ENKUR: variants seen among roughly 807,000 people sequenced by gnomAD.
The protein encoded by ENKUR is enkurin, TRPC channel interacting protein.
Under a neutral mutation model 27.6 loss-of-function variants are expected in ENKUR, and 19 were observed. The ratio of observed to expected loss-of-function variants is 0.69; its 90% CI spans 0.48 to 1.01. The LOEUF (loss-of-function observed/expected upper bound fraction) is 1.01, where lower values mean the gene tolerates loss of function less well. Among genes scored for constraint, ENKUR ranks in the 50% least tolerant of loss-of-function variants. The pLI is 0.00. For synonymous variants in ENKUR, 117 were observed against 96.9 expected, an observed-to-expected ratio of 1.21 and a Z score of -1.22; for missense variants, 312 against 310.5, an observed-to-expected ratio of 1.00 and a Z score of -0.04.
chr10:24,999,689 G>T, intron 1 of ENKUR, 143 bp from the exon 2 acceptor site: 1 of 779,450 alleles, frequency 1.3e-6, no homozygotes, highest in Non-Finnish European at 2.0e-6. Flanking sequence ...ATACTTACCT[G>T]AGCCCTGTCC....
intron 2 of ENKUR, among the ~76,000 whole-genome samples, chr10:25,045,829 C>A (rs1157215169): frequency 1.3e-5 from 2 of 152,110 alleles, no homozygotes; most frequent in Admixed American, 6.6e-5. Context: ...CACTTAAGGG[C>A]AGAACCAGTT....
intron 2 of ENKUR, among the ~76,000 whole-genome samples, chr10:25,032,344 A>G (rs1200950109): frequency 6.6e-6 from 1 of 151,848 alleles, no homozygotes; most frequent in Non-Finnish European, 1.5e-5. Context: ...TTACCATTCA[A>G]CATGTAGATT....
intron 2 of ENKUR, chr10:25,023,927 G>A: frequency 1.2e-6 from 2 of 1,614,130 alleles, no homozygotes; most frequent in Non-Finnish European, 1.7e-6. Flanking sequence ...ATTTCAACAA[G>A]ACACGTTTGG....
chr10:24,998,858 A>C (rs1850123326), intron 2 of ENKUR, among the ~76,000 whole-genome samples: 1 of 152,196 alleles, frequency 6.6e-6, no homozygotes, highest in Non-Finnish European at 1.5e-5. Context: ...TAAAATAAGC[A>C]TGGGGCCCTA....
intron 4 of ENKUR, 59 bp downstream of exon 4, chr10:24,990,404 C>G: frequency 6.4e-7 from 1 of 1,551,660 alleles, no homozygotes; most frequent in Non-Finnish European, 8.7e-7. Context: ...TGATGGTACA[C>G]CTTTCTTTCA....
chr10:24,993,934 AG>A (rs1468473935), intron 3 of ENKUR, among the ~76,000 whole-genome samples: 1 of 152,214 alleles, frequency 6.6e-6, no homozygotes, highest in Non-Finnish European at 1.5e-5. Flanking sequence ...AGTGGCTTTA[AG>A]AGCCATGAGA....
intron 4 of ENKUR, among the ~76,000 whole-genome samples, chr10:24,985,455 A>G (rs1289458470): frequency 6.6e-6 from 1 of 152,204 alleles, no homozygotes; most frequent in Non-Finnish European, 1.5e-5. Flanking sequence ...CTTTCAATAT[A>G]TTAGAAAGAA....
chr10:25,033,676 C>T (rs2130459055), intron 2 of ENKUR, among the ~76,000 whole-genome samples: 1 of 152,166 alleles, frequency 6.6e-6, no homozygotes, highest in African/African-American at 2.4e-5. Flanking sequence ...TAAAATAGTG[C>T]TTCTAAACCA....
chr10:25,011,365 G>A (rs564559696), intron 1 of ENKUR, among the ~76,000 whole-genome samples: 101 of 152,054 alleles, frequency 6.6e-4, no homozygotes, highest in Non-Finnish European at 1.3e-3. Context: ...AGATGAGTAG[G>A]TTGCAAAAAT....
chr10:25,034,122 G>A (rs1444613058), intron 2 of ENKUR, among the ~76,000 whole-genome samples: 3 of 151,932 alleles, frequency 2.0e-5, no homozygotes, highest in Non-Finnish European at 2.9e-5. Context: ...AAAGCATTCT[G>A]TGAAATCAAA....
intron 1 of ENKUR, among the ~76,000 whole-genome samples, chr10:25,000,636 T>C (rs1850168618): frequency 6.6e-6 from 1 of 152,092 alleles, no homozygotes; most frequent in Non-Finnish European, 1.5e-5. Flanking sequence ...TAATCAAGCA[T>C]CCCTTTGATT....
intron 2 of ENKUR, among the ~76,000 whole-genome samples, chr10:25,055,489 AT>A (rs1394807677): frequency 2.0e-5 from 3 of 149,734 alleles, no homozygotes; most frequent in Non-Finnish European, 4.4e-5. Context: ...CTGTAGTATA[AT>A]CTCTCTCCAC....
At position 24,995,791 on chromosome 10, in the gene ENKUR, C is replaced by T. The variant is rs1269834270; in HGVS notation, c.302G>A (p.Ser101Asn). 4 of 1,613,920 alleles carry T rather than the reference C, an allele frequency of 2.5e-6. No homozygotes were observed. Among genetic ancestry groups the T allele is most frequent in the Non-Finnish European group, 3.4e-6 (4 of 1,180,006 alleles). The stretch of plus-strand genomic sequence containing the variant: ...ATTTGTATTTATAAAATTTTTTCCA[C>T]TCTGTATTCCCATGACAGGATGATC... ...KTDHPVMGIQ[S>N]GKNFINTNAA... Residue 101 changes from serine to asparagine, a missense_variant, in exon 3 of 6, where the codon AGT (serine) becomes AAT (asparagine). Coordinates refer to ENST00000331161, the MANE Select transcript of ENKUR (RefSeq NM_145010.4).
At chr10:24,986,576 G>A (rs1484712909) in intron 4 of ENKUR, among the ~76,000 whole-genome samples, 1 of 152,224 alleles carries the variant, frequency 6.6e-6, no homozygotes, top group East Asian at 1.9e-4. Context: ...GGAAGTCTAT[G>A]TATTTGTACA....
chr10:25,034,708 A>T (rs1850989016), intron 2 of ENKUR, among the ~76,000 whole-genome samples: 1 of 152,170 alleles, frequency 6.6e-6, no homozygotes, highest in Non-Finnish European at 1.5e-5. Flanking sequence ...TATGTGTAGG[A>T]TTCTTCTCTA....
chr10:25,015,786 G>A (rs1268567115), intron 1 of ENKUR, 74 bp downstream of exon 1: 7 of 1,312,798 alleles, frequency 5.3e-6, no homozygotes, highest in East Asian at 2.6e-5. Flanking sequence ...AAAAATTCCA[G>A]TATATGTATG....
intron 2 of ENKUR, among the ~76,000 whole-genome samples, chr10:25,028,846 A>T (rs190725902): frequency 5.3e-4 from 81 of 152,336 alleles, no homozygotes; most frequent in African/African-American, 1.9e-3. Flanking sequence ...CTGTAACTAC[A>T]TCATACATTT....
chr10:25,016,205 A>G, upstream of ENKUR: 1 of 1,167,094 alleles, frequency 8.6e-7, no homozygotes, highest in South Asian at 3.8e-5. Context: ...AGTGGCAGGC[A>G]GCACCGCAAA....
intron 2 of ENKUR, among the ~76,000 whole-genome samples, chr10:25,058,086 G>A (rs1003118583): frequency 3.3e-5 from 5 of 152,046 alleles, no homozygotes; most frequent in East Asian, 1.9e-4. Flanking sequence ...CAGCTGAAAC[G>A]CTTCGTGCCC....
Sources: gnomAD v4.1 joint callset for allele counts (sites outside exome capture counted in the v4.1 genomes callset) on GRCh38, gnomAD v4.1.1 for gene constraint, MANE v1.5 for transcripts, NCBI Gene and HGNC (gene_info 2026-07-23, HGNC 2026-07-21) for gene names.